POLR2F: variants seen among roughly 807,000 people sequenced by gnomAD.
POLR2F encodes DNA-directed RNA polymerases I, II, and III subunit RPABC2.
A neutral mutation model predicts 22.7 loss-of-function variants in POLR2F; 12 were observed. The observed-to-expected ratio is 0.53, with a 90% confidence interval of 0.34 to 0.86. The LOEUF is 0.86. Among genes scored for constraint, POLR2F ranks in the 40% least tolerant of loss-of-function variants. The probability of loss-of-function intolerance (pLI) is 0.02; values close to 1 mark genes in which losing one functional copy is unlikely to be tolerated. For synonymous variants in POLR2F, 57 were observed against 66.0 expected (o/e 0.86, Z 0.66); for missense variants, 126 against 171.5 (o/e 0.73, Z 1.48).
chr22:38,005,827 G>GT (rs1337170144), intron 1 of POLR2F, among the ~76,000 whole-genome samples: 1 of 152,238 alleles, frequency 6.6e-6, no homozygotes, highest in Non-Finnish European at 1.5e-5. Flanking sequence ...AGAAACTCCT[G>GT]TAACAATTTG....
intron 1 of POLR2F, among the ~76,000 whole-genome samples, chr22:38,022,551 C>CAAAAAAAAAAAAAAAA (rs376987789): frequency 1.8e-5 from 1 of 55,834 alleles, no homozygotes; most frequent in East Asian, 5.5e-4. Flanking sequence ...AACGCTGTCT[C>CAAAAAAAAAAAAAAAA]AAAAAAAAAA....
upstream of POLR2F, chr22:37,986,181 AG>A (rs1412000085): frequency 5.8e-6 from 9 of 1,542,728 alleles, no homozygotes; most frequent in African/African-American, 1.2e-4. The surrounding 1 kb of genome is among the most constrained non-coding windows in gnomAD (Gnocchi z 4.7). Context: ...AACCGCCCGG[AG>A]AGGAGCCGCC....
rs1232575974 is a variant in POLR2F, at chr22:37,980,405, CAG to C, written c.293+13236_293+13237del. Among the ~76,000 whole-genome samples the C allele has an allele frequency of 1.3e-5, 2 of 152,154 alleles. No homozygotes were observed. Among genetic ancestry groups the C allele is most frequent in the Non-Finnish European group, 2.9e-5 (2 of 68,022 alleles). On this transcript the variant is annotated intron_variant, in intron 4 of 4. Coordinates refer to the POLR2F transcript ENST00000405557. This position sits in a 1 kb window ranked among gnomAD's most constrained non-coding sequence, Gnocchi z 4.1. ...GCAGCCAGCATCAGCAAGAAAGTGA[CAG>C]GGGCCAGAAGAGAGAGAGGATTCCA...
chr22:37,987,562 A>G (rs974390148), intron 1 of POLR2F: 1 of 343,432 alleles, frequency 2.9e-6, no homozygotes, highest in Non-Finnish European at 5.7e-6. Flanking sequence ...TGAAGGATAC[A>G]CTGAGATGAA....
chr22:37,973,945 G>C (rs2145761433), downstream of POLR2F: 2 of 1,610,718 alleles, frequency 1.2e-6, no homozygotes, highest in East Asian at 4.5e-5. Flanking sequence ...CCAGCCCATA[G>C]CCGGCTGCTG....
intron 2 of POLR2F, 183 bp downstream of exon 2, chr22:37,957,025 A>G: frequency 1.6e-6 from 1 of 625,188 alleles, no homozygotes; most frequent in Middle Eastern, 3.7e-4. Flanking sequence ...GGTGGGCCTG[A>G]AAGCTTTTGT....
rs1315519102 is a variant in POLR2F, at chr22:37,986,275, C to G, written c.85C>G (p.Pro29Ala). The G allele has an allele frequency of 6.5e-7, 1 of 1,538,794 alleles. No individual in the cohort carries two copies. The highest frequency in any genetic ancestry group is 2.0e-5 in the Admixed American group (1 of 50,950). Residue 29 changes from proline (P) to alanine (A), a missense_variant, in exon 1 of 3, where the codon CCG becomes GCG. Pro to Ala is a conservative substitution (Grantham distance 27). Coordinates refer to the POLR2F transcript ENST00000333418. The surrounding 1 kb of genome is among the most constrained non-coding windows in gnomAD (Gnocchi z 4.7). ...AGTCGCCTCCAACACCCGCTGCTGC[C>G]CGCCCGCTGCCTGCCTGCCTGGCAT...
intron 4 of POLR2F, among the ~76,000 whole-genome samples, chr22:37,975,149 A>G (rs951358605): frequency 3.9e-5 from 6 of 152,148 alleles, no homozygotes; most frequent in Admixed American, 3.3e-4. Flanking sequence ...TAATTTAGCA[A>G]ACTCTTAGGG....
At chr22:37,970,127 A>G (rs1931999268), downstream of POLR2F, among the ~76,000 whole-genome samples, 3 of 152,000 alleles carry the variant, frequency 2.0e-5, 1 homozygote, top group South Asian at 6.2e-4. Context: ...CCCCGTCTGT[A>G]CTAAAAAATA....
intron 1 of POLR2F, among the ~76,000 whole-genome samples, chr22:38,014,490 A>C (rs1025162248): frequency 1.3e-5 from 2 of 150,140 alleles, no homozygotes; most frequent in African/African-American, 4.9e-5. Context: ...AGCTGGGATT[A>C]CAGGCGCCCA....
chr22:38,029,911 C>T (rs544719578), downstream of POLR2F, among the ~76,000 whole-genome samples: 11 of 152,316 alleles, frequency 7.2e-5, no homozygotes, highest in South Asian at 1.4e-3. Flanking sequence ...GTGAATGAGC[C>T]TTGCAGGCTG....
chr22:38,023,820 G>A (rs111983820), intron 1 of POLR2F, among the ~76,000 whole-genome samples: 6 of 144,326 alleles, frequency 4.2e-5, no homozygotes, highest in African/African-American at 7.7e-5. Context: ...TTACAGGTGC[G>A]CACCACCACG....
At chr22:37,987,311 A>T (rs1026594615) in intron 1 of POLR2F, 23 of 456,536 alleles carry the variant, frequency 5.0e-5, no homozygotes, top group African/African-American at 4.6e-4. Context: ...TACTCAGAAG[A>T]TGGGCCCCAG....
intron 1 of POLR2F, among the ~76,000 whole-genome samples, chr22:38,008,455 G>T (rs2084842135): frequency 6.6e-6 from 1 of 151,928 alleles, no homozygotes; most frequent in South Asian, 2.1e-4. Context: ...GGAGGCAGGA[G>T]AATCGCTTGA....
At chr22:37,984,943 C>G (rs1296505895), upstream of POLR2F, 2 of 152,318 alleles carry the variant, frequency 1.3e-5, no homozygotes, top group African/African-American at 2.4e-5. The surrounding 1 kb of genome is among the most constrained non-coding windows in gnomAD (Gnocchi z 4.4). Context: ...CCTGGGGGCC[C>G]GTGAGGGTGG....
At chr22:37,979,661 G>A (rs1932335109) in intron 4 of POLR2F, among the ~76,000 whole-genome samples, 1 of 152,130 alleles carries the variant, frequency 6.6e-6, no homozygotes, top group Non-Finnish European at 1.5e-5. Flanking sequence ...AACACATGGA[G>A]AGAAGAAGCC....
intron 5 of POLR2F, among the ~76,000 whole-genome samples, chr22:38,033,520 C>G (rs1200836566): frequency 6.6e-6 from 1 of 152,244 alleles, no homozygotes; most frequent in East Asian, 1.9e-4. Context: ...GCTGGGAACT[C>G]CAGGACCAAT....
At chr22:38,035,305 C>T (rs1202844351) in intron 5 of POLR2F, among the ~76,000 whole-genome samples, 1 of 152,166 alleles carries the variant, frequency 6.6e-6, no homozygotes, top group African/African-American at 2.4e-5. Flanking sequence ...TGTGTGCATA[C>T]CCCTCACCTT....
chr22:38,010,083 A>C (rs576873338), intron 1 of POLR2F, among the ~76,000 whole-genome samples: 1 of 152,318 alleles, frequency 6.6e-6, no homozygotes, highest in South Asian at 2.1e-4. Flanking sequence ...ACTTTTAAAG[A>C]AATGATCAAG....
Sources: allele counts gnomAD v4.1 joint callset (sites outside exome capture counted in the v4.1 genomes callset), GRCh38; gene constraint gnomAD v4.1.1; non-coding constraint Gnocchi (gnomAD v3.1); transcripts MANE v1.5; gene names NCBI Gene and HGNC (gene_info 2026-07-23, HGNC 2026-07-21).